Variants in ARL14EPL observed in about 807,000 individuals in gnomAD.
The protein encoded by ARL14EPL is ARF like GTPase 14 effector protein like.
In ARL14EPL, 17 loss-of-function variants were observed where a neutral mutation model predicts 15.9. The ratio of observed to expected loss-of-function variants is 1.07; its 90% CI spans 0.73 to 1.60. The LOEUF (loss-of-function observed/expected upper bound fraction) is 1.60, where lower values mean the gene tolerates loss of function less well. ARL14EPL is among the 40% of genes most tolerant of loss of function. The pLI is 0.00. For missense variants in ARL14EPL, 214 were observed against 185.9 expected (o/e 1.15, Z -0.88); for synonymous variants, 78 against 63.8 (o/e 1.22, Z -1.06).
intron 1 of ARL14EPL, among the ~76,000 whole-genome samples, chr5:116,039,786 C>G (rs969863950): frequency 6.6e-6 from 1 of 152,096 alleles, no homozygotes; most frequent in African/African-American, 2.4e-5. Context: ...TAGATAATTA[C>G]AGATGCTGCA....
intron 1 of ARL14EPL, among the ~76,000 whole-genome samples, chr5:116,047,221 C>T (rs185846888): frequency 6.6e-6 from 1 of 152,306 alleles, no homozygotes; most frequent in Non-Finnish European, 1.5e-5. Flanking sequence ...GTGCCCTAAA[C>T]GGGAGGCTTT....
At chr5:116,043,370 A>G (rs2112671266) in intron 1 of ARL14EPL, among the ~76,000 whole-genome samples, 1 of 152,202 alleles carries the variant, frequency 6.6e-6, no homozygotes, top group Non-Finnish European at 1.5e-5. Flanking sequence ...TTTACATTAC[A>G]TTCAACTTAT....
rs1028037522 is a variant in ARL14EPL, at chr5:116,059,166, T to C, written c.*219T>C. ...TCCCTTAACTTGCAACCAAAGAATG[T>C]AACAATGGAGGGATCAGCATTTCTC... On this transcript the variant is annotated 3_prime_UTR_variant, in exon 4 of 4. Transcript: ENST00000686077. 5 of 549,538 alleles carry C rather than the reference T, an allele frequency of 9.1e-6. No homozygotes were observed. The highest frequency in any genetic ancestry group is 6.3e-5 in the Admixed American group (2 of 31,734). 34.0% of individuals were successfully genotyped at this position (549,538 alleles called of 1,614,324 possible). A position where few individuals can be genotyped will look rare whatever the true frequency, so the allele number is the denominator to read the frequency against.
chr5:116,058,846 T>C lies in ARL14EPL; in HGVS notation c.358T>C (p.Cys120Arg), dbSNP rs572796146. 1 of 1,536,048 alleles carries C rather than the reference T, an allele frequency of 6.5e-7. No individual in the cohort carries two copies. The highest frequency in any genetic ancestry group is 1.2e-5 in the South Asian group (1 of 84,056). The change falls in exon 4 of 4, where the codon TGT becomes CGT. Residue 120 changes from cysteine to arginine, a missense_variant. Physicochemically the swap from Cys to Arg is radical, Grantham distance 180. Transcript: ENST00000686077. ...YPCPKCNSNK[C>R]GPECRCNRRW... ...ATGCCCGAAGTGTAACTCCAACAAG[T>C]GTGGGCCCGAGTGCCGCTGCAACCG... is the stretch of plus-strand genomic sequence containing the variant.
chr5:116,045,783 T>A (rs1312227666), intron 1 of ARL14EPL, among the ~76,000 whole-genome samples: 1 of 33,058 alleles, frequency 3.0e-5, no homozygotes, highest in East Asian at 7.4e-4. Context: ...TGTGTGTGTA[T>A]GTGTACGAAA....
chr5:116,058,395 C>T (rs1214410710), intron 3 of ARL14EPL, among the ~76,000 whole-genome samples: 2 of 152,148 alleles, frequency 1.3e-5, no homozygotes, highest in Non-Finnish European at 2.9e-5. Flanking sequence ...CTTTAGTTAG[C>T]TATTCCTCAT....
At chr5:116,053,094 C>G (rs1580416839) in intron 2 of ARL14EPL, among the ~76,000 whole-genome samples, 1 of 152,116 alleles carries the variant, frequency 6.6e-6, no homozygotes. Context: ...CCTGTAATCC[C>G]AGAACTTTGG....
At chr5:116,052,960 A>G (rs1459696580) in intron 2 of ARL14EPL, among the ~76,000 whole-genome samples, 1 of 152,188 alleles carries the variant, frequency 6.6e-6, no homozygotes, top group Non-Finnish European at 1.5e-5. Flanking sequence ...CATGTTCACA[A>G]TAAGTTATCA....
rs1265824628 is a variant in ARL14EPL, at chr5:116,058,755, G to A, written c.267G>A (p.Arg89=). 1 of 1,535,402 alleles carries A rather than the reference G, an allele frequency of 6.5e-7. No individual in the cohort carries two copies. The highest frequency in any genetic ancestry group is 1.2e-5 in the South Asian group (1 of 84,022). The change falls in exon 4 of 4, where the codon AGG becomes AGA. Residue 89 remains arginine, a synonymous_variant. Coordinates refer to ENST00000686077, the MANE Select transcript of ARL14EPL (RefSeq NM_001195581.2). Reference sequence around the variant, plus strand: ...TGAGGAAGTATGACAAAAGTGGCAGGCTCATCTGTAATGACGCTGATCTGT... The same window carrying A: ...TGAGGAAGTATGACAAAAGTGGCAGACTCATCTGTAATGACGCTGATCTGT... ...KIMRKYDKSG[R]LICNDADLCD...
At chr5:116,041,135 A>G (rs1440249151) in intron 1 of ARL14EPL, among the ~76,000 whole-genome samples, 2 of 152,100 alleles carry the variant, frequency 1.3e-5, no homozygotes, top group Non-Finnish European at 2.9e-5. Flanking sequence ...TATTAACATC[A>G]TGCAGTAGTA....
chr5:116,048,015 G>A (rs977400336), intron 1 of ARL14EPL, among the ~76,000 whole-genome samples: 5 of 152,128 alleles, frequency 3.3e-5, no homozygotes, highest in African/African-American at 7.2e-5. Context: ...ACTACCCAAC[G>A]TGCTTAATGA....
chr5:116,045,069 A>T lies in ARL14EPL; in HGVS notation c.-9-6388A>T, dbSNP rs575138965. On this transcript the variant is annotated intron_variant, in intron 1 of 3. Transcript: ENST00000686077. ...AAAGGCGCACCTTTACAAATGATGC[A>T]TCCTAAACCCGATGCCCTCTGAGGC... is the stretch of plus-strand genomic sequence containing the variant. Among the ~76,000 whole-genome samples, 220 of 152,328 alleles carry T rather than the reference A, an allele frequency of 1.4e-3. 1 individual carries two copies. Among genetic ancestry groups the T allele is most frequent in the African/African-American group, 5.1e-3 (214 of 41,572 alleles).
chr5:116,048,747 G>T (rs531780743), intron 1 of ARL14EPL, among the ~76,000 whole-genome samples: 1 of 152,206 alleles, frequency 6.6e-6, no homozygotes, highest in East Asian at 1.9e-4. Context: ...TATGACAGAA[G>T]ATGAGCCTAT....
chr5:116,041,542 C>T (rs1749158252), intron 1 of ARL14EPL, among the ~76,000 whole-genome samples: 1 of 152,134 alleles, frequency 6.6e-6, no homozygotes, highest in African/African-American at 2.4e-5. Flanking sequence ...ATTTCACTTA[C>T]CTGCTAGTCA....
At position 116,049,047 on chromosome 5, in the gene ARL14EPL, G is replaced by A. The variant is rs191873850; in HGVS notation, c.-9-2410G>A. On this transcript the variant is annotated intron_variant, in intron 1 of 3. Transcript: ENST00000686077. ...TTTTCAATTTACAATGGGTTTGTTTGGACGTAGCCCATGGCAAATCAAGGA... is the reference window on the plus strand; with the variant it reads ...TTTTCAATTTACAATGGGTTTGTTTAGACGTAGCCCATGGCAAATCAAGGA... Among the ~76,000 whole-genome samples the A allele has an allele frequency of 8.5e-5, 13 of 152,220 alleles. No homozygotes were observed. The East Asian group carries it at 2.3e-3, about 27-fold the overall frequency.
chr5:116,054,299 C>T (rs1245936340), intron 3 of ARL14EPL, 146 bp downstream of exon 3: 4 of 923,928 alleles, frequency 4.3e-6, no homozygotes, highest in African/African-American at 3.4e-5. Context: ...TGTGTCTGGA[C>T]GTTAGCAACC....
intron 1 of ARL14EPL, among the ~76,000 whole-genome samples, chr5:116,043,263 A>G (rs1247081898): frequency 3.9e-5 from 6 of 151,924 alleles, no homozygotes; most frequent in Non-Finnish European, 7.4e-5. Flanking sequence ...AATACCACTC[A>G]TAACTCATAA....
At chr5:116,053,456 A>G (rs532869841) in intron 2 of ARL14EPL, among the ~76,000 whole-genome samples, 5 of 152,046 alleles carry the variant, frequency 3.3e-5, no homozygotes, top group Non-Finnish European at 5.9e-5. Context: ...TCTTGTTCCA[A>G]TCTGGCTTTG....
intron 3 of ARL14EPL, among the ~76,000 whole-genome samples, chr5:116,055,880 G>T (rs1351414706): frequency 1.3e-5 from 2 of 151,882 alleles, no homozygotes; most frequent in African/African-American, 2.4e-5. Flanking sequence ...TCTCATCTGT[G>T]AGTGAGAACA....
Sources: gnomAD v4.1 joint callset for allele counts (sites outside exome capture counted in the v4.1 genomes callset) on GRCh38, gnomAD v4.1.1 for gene constraint, MANE v1.5 for transcripts, NCBI Gene and HGNC (gene_info 2026-07-23, HGNC 2026-07-21) for gene names.